The following SCGB2B2 variants were observed in gnomAD, a reference collection of about 807,000 sequenced individuals.
SCGB2B2 encodes the protein secretoglobin family 2B member 2.
In SCGB2B2, 11 loss-of-function variants were observed where a neutral mutation model predicts 7.6. That is an observed-to-expected ratio of 1.45 (90% CI 0.91 to 2.40). The LOEUF (loss-of-function observed/expected upper bound fraction) is 2.40, where lower values mean the gene tolerates loss of function less well. Among genes scored for constraint, SCGB2B2 ranks in the 30% most tolerant of loss-of-function variants. The pLI is 0.00. For synonymous variants in SCGB2B2, 50 were observed against 48.6 expected (o/e 1.03, Z -0.12); for missense variants, 104 against 115.4 (o/e 0.90, Z 0.45).
At chr19:34,616,715 T>A (rs1218391835) in intron 1 of SCGB2B2, among the ~76,000 whole-genome samples, 6 of 148,474 alleles carry the variant, frequency 4.0e-5, no homozygotes, top group African/African-American at 7.5e-5. Context: ...CAATTTTGGC[T>A]TTTGTTGCCA....
intron 1 of SCGB2B2, among the ~76,000 whole-genome samples, chr19:34,666,525 C>T (rs1019673649): frequency 1.3e-5 from 2 of 152,048 alleles, no homozygotes; most frequent in South Asian, 2.1e-4. Flanking sequence ...AGGAAGGGGG[C>T]GGGTACCTGG....
At chr19:34,641,828 G>A (rs2066850856) in intron 1 of SCGB2B2, among the ~76,000 whole-genome samples, 1 of 152,056 alleles carries the variant, frequency 6.6e-6, no homozygotes, top group Non-Finnish European at 1.5e-5. Context: ...TATTTTGAAG[G>A]GACCCTGCTA....
intron 1 of SCGB2B2, among the ~76,000 whole-genome samples, chr19:34,649,970 C>A (rs1402557942): frequency 6.6e-6 from 1 of 151,218 alleles, no homozygotes; most frequent in African/African-American, 2.5e-5. Context: ...AACCCTCAGC[C>A]CCACCATTTC....
intron 1 of SCGB2B2, among the ~76,000 whole-genome samples, chr19:34,666,686 G>C (rs185688213): frequency 2.0e-5 from 3 of 152,130 alleles, no homozygotes; most frequent in Non-Finnish European, 4.4e-5. Context: ...AGAGGATTCC[G>C]CACCACCCCA....
chr19:34,663,484 T>C (rs1184071553), intron 1 of SCGB2B2, among the ~76,000 whole-genome samples: 2 of 152,164 alleles, frequency 1.3e-5, no homozygotes, highest in Admixed American at 6.5e-5. Context: ...ATAAAAATTA[T>C]AAAAAGCCAA....
chr19:34,606,437 G>A (rs538008663), intron 1 of SCGB2B2, among the ~76,000 whole-genome samples: 1 of 152,096 alleles, frequency 6.6e-6, no homozygotes, highest in Admixed American at 6.5e-5. Flanking sequence ...AATGATTAAG[G>A]GTGGGGAGAT....
In SCGB2B2 at chr19:34,676,295, T is replaced by G. The variant is rs1227387422; in HGVS notation, c.-2697A>C. ...CCAGAAGCCCAGCTGGCTTCACCTC[T>G]CGGTTATATGCTAATTATATGCATT... On this transcript the variant is annotated 5_prime_UTR_variant, in exon 1 of 4. Coordinates refer to ENST00000601241, the MANE Select transcript of SCGB2B2 (RefSeq NM_001025591.4). 6.6e-6 allele frequency: 1 copy of G among 152,176 alleles called. No individual in the cohort carries two copies. Among genetic ancestry groups the G allele is most frequent in the African/African-American group, 2.4e-5 (1 of 41,426 alleles). The allele number at this position is 152,176 out of a possible 1,614,324, so 9.4% of individuals were successfully genotyped here.
At chr19:34,662,808 G>A (rs908643736) in intron 1 of SCGB2B2, among the ~76,000 whole-genome samples, 1 of 152,138 alleles carries the variant, frequency 6.6e-6, no homozygotes, top group Admixed American at 6.5e-5. Flanking sequence ...GTATGTGCCT[G>A]TAGTTCCAGC....
chr19:34,658,192 G>C (rs1043269706), intron 1 of SCGB2B2, among the ~76,000 whole-genome samples: 5 of 151,988 alleles, frequency 3.3e-5, no homozygotes, highest in Non-Finnish European at 7.4e-5. Context: ...AAGAACGAGA[G>C]ATTCAAGAGC....
At chr19:34,638,130 GT>G (rs199942505) in intron 1 of SCGB2B2, 43,619 of 151,858 alleles carry the variant, frequency 0.29, 6,755 homozygotes, top group Middle Eastern at 0.36. Flanking sequence ...TTCTGGAAAG[GT>G]CAAAAGGACA....
chr19:34,638,064 T>G (rs1406053800), intron 1 of SCGB2B2: 1 of 152,242 alleles, frequency 6.6e-6, no homozygotes, highest in Admixed American at 6.5e-5. Flanking sequence ...AGTAGTTATA[T>G]AACATAAGAT....
intron 1 of SCGB2B2, among the ~76,000 whole-genome samples, chr19:34,647,428 C>A (rs2067050467): frequency 6.6e-6 from 1 of 152,192 alleles, no homozygotes; most frequent in Non-Finnish European, 1.5e-5. Flanking sequence ...CCACACTGCC[C>A]TAAACTCCTC....
At chr19:34,605,563 C>A (rs1009170303) in intron 1 of SCGB2B2, among the ~76,000 whole-genome samples, 1 of 152,132 alleles carries the variant, frequency 6.6e-6, no homozygotes, top group Non-Finnish European at 1.5e-5. Context: ...ATTCTACCTA[C>A]GATCTTAAAA....
At chr19:34,657,819 A>C (rs2067323059) in intron 1 of SCGB2B2, among the ~76,000 whole-genome samples, 2 of 152,348 alleles carry the variant, frequency 1.3e-5, no homozygotes, top group East Asian at 3.9e-4. Context: ...CATCGCACTT[A>C]TTCTAAAATT....
rs2065462115 is a variant in SCGB2B2 at position 34,596,553 on chromosome 19, G to A, written c.-1990C>T. 1 of 152,726 alleles carries A rather than the reference G, an allele frequency of 6.5e-6. No homozygotes were observed. Among genetic ancestry groups the A allele is most frequent in the African/African-American group, 2.4e-5 (1 of 41,466 alleles). 9.5% of individuals were successfully genotyped at this position (152,726 alleles called of 1,614,324 possible). A position where few individuals can be genotyped will look rare whatever the true frequency, so the allele number is the denominator to read the frequency against. On this transcript the variant is annotated 5_prime_UTR_variant, in exon 2 of 4. Coordinates refer to ENST00000601241, the MANE Select transcript of SCGB2B2 (RefSeq NM_001025591.4). ...TATGAGGTTGTGATTGTGGCTGGGA[G>A]GGGCTGTGTGGCTGCCTCTGCCTCT...
intron 1 of SCGB2B2, among the ~76,000 whole-genome samples, chr19:34,616,065 C>G (rs1290442608): frequency 6.6e-6 from 1 of 150,412 alleles, no homozygotes; most frequent in Non-Finnish European, 1.5e-5. Context: ...ATATGTGCCA[C>G]ATTTTCTTAA....
At chr19:34,665,901 G>A (rs2067605061) in intron 1 of SCGB2B2, among the ~76,000 whole-genome samples, 1 of 152,108 alleles carries the variant, frequency 6.6e-6, no homozygotes, top group Non-Finnish European at 1.5e-5. Context: ...ACCTGTAGCT[G>A]TGCAAGTGGG....
intron 1 of SCGB2B2, among the ~76,000 whole-genome samples, chr19:34,600,066 G>T (rs1441822785): frequency 6.6e-6 from 1 of 152,032 alleles, no homozygotes; most frequent in Admixed American, 6.6e-5. Context: ...TTGTTTTAGG[G>T]TACATGTACA....
intron 1 of SCGB2B2, among the ~76,000 whole-genome samples, chr19:34,667,495 T>C (rs991459043): frequency 1.3e-5 from 2 of 151,970 alleles, no homozygotes; most frequent in African/African-American, 4.8e-5. Context: ...GCTGTGCTAA[T>C]TGGGGCTGAT....
Sources: allele counts gnomAD v4.1 joint callset (sites outside exome capture counted in the v4.1 genomes callset), GRCh38; gene constraint gnomAD v4.1.1; transcripts MANE v1.5; gene names NCBI Gene and HGNC (gene_info 2026-07-23, HGNC 2026-07-21).